Variants in FER1L5 observed in about 807,000 individuals in gnomAD.
The protein encoded by FER1L5 is fer-1-like protein 5.
FER1L5 carries 187 observed loss-of-function variants against 279.9 expected under a neutral mutation model. The observed-to-expected ratio is 0.67, with a 90% CI of 0.59 to 0.75. The LOEUF (loss-of-function observed/expected upper bound fraction) is 0.75. Among genes scored for constraint, FER1L5 ranks in the 30% least tolerant of loss-of-function variants. FER1L5 has a pLI of 0.00. For missense variants in FER1L5, 2,091 were observed against 2,594.4 expected (o/e 0.81, Z 4.21); for synonymous variants, 921 against 989.7 (o/e 0.93, Z 1.30).
In FER1L5 at chr2:96,689,932, G is replaced by A. The variant is rs2077078037; in HGVS notation, c.2640+174G>A. On this transcript the variant is annotated intron_variant, in intron 26 of 52. Coordinates refer to ENST00000624922, the MANE Select transcript of FER1L5 (RefSeq NM_001293083.2). The surrounding 1 kb of genome is among the most constrained non-coding windows in gnomAD (Gnocchi z 4.6). ...CACTCTCTCTCAGCACTGATGGGGTGAGGGGTTTGTAGAAATACCTTAAAT... is the reference window on the plus strand; with the variant it reads ...CACTCTCTCTCAGCACTGATGGGGTAAGGGGTTTGTAGAAATACCTTAAAT... Among the ~76,000 whole-genome samples the A allele has an allele frequency of 6.6e-6, 1 of 152,184 alleles. No individual in the cohort carries two copies. The highest frequency in any genetic ancestry group is 2.1e-4 in the South Asian group (1 of 4,830).
chr2:96,650,658 AGTGTCT>A (rs1434396970), intron 6 of FER1L5, among the ~76,000 whole-genome samples: 1 of 152,138 alleles, frequency 6.6e-6, no homozygotes, highest in African/African-American at 2.4e-5. Context: ...GAGGCTGGGG[AGTGTCT>A]GATCTGAGGG....
rs190910651 is a variant in FER1L5, at chr2:96,660,508, G to A, written c.778+137G>A. 358 of 774,484 alleles carry A rather than the reference G, an allele frequency of 4.6e-4. 3 individuals carry two copies. Among genetic ancestry groups the A allele is most frequent in the Non-Finnish European group, 3.0e-5 (14 of 471,188 alleles). The allele number at this position is 774,484 out of a possible 1,614,324, so 48.0% of individuals were successfully genotyped here. A position where few individuals can be genotyped will look rare whatever the true frequency, so the allele number is the denominator to read the frequency against. ...GATTGTAAATTATTTTCTGTATTTG[G>A]TAATATTTCACTGTACATTGTGGTA... On this transcript the variant is annotated intron_variant, in intron 10 of 52. Transcript: ENST00000624922.
rs769543192 is a variant in FER1L5 at position 96,703,597 on chromosome 2, G to A, written c.5766G>A (p.Ser1922=). Residue 1922 remains serine, a synonymous_variant, in exon 51 of 53, where the codon TCG becomes TCA. Coordinates refer to ENST00000624922, the MANE Select transcript of FER1L5 (RefSeq NM_001293083.2). ...ALIKPAGRGQ[S]EPNQYPTLHP... is the part of the protein sequence containing the mutation. Reference sequence around the variant, plus strand: ...TCAAGCCAGCCGGGCGAGGCCAGTCGGAACCCAACCAGTACCCCACACTTC... The same window carrying A: ...TCAAGCCAGCCGGGCGAGGCCAGTCAGAACCCAACCAGTACCCCACACTTC... 46 of 1,613,784 alleles carry A rather than the reference G, an allele frequency of 2.9e-5. No individual in the cohort carries two copies. Among genetic ancestry groups the A allele is most frequent in the African/African-American group, 8.0e-5 (6 of 74,860 alleles).
At chr2:96,675,062 G>T (rs1314352505) in intron 19 of FER1L5, among the ~76,000 whole-genome samples, 3 of 152,148 alleles carry the variant, frequency 2.0e-5, no homozygotes, top group Non-Finnish European at 2.9e-5. Flanking sequence ...CTTTCGGTCT[G>T]TATTCATCTG....
chr2:96,661,264 G>A, intron 10 of FER1L5, 61 bp from the exon 11 acceptor site: 1 of 1,245,014 alleles, frequency 8.0e-7, no homozygotes, highest in Non-Finnish European at 1.1e-6. Flanking sequence ...ACAAAGGCTG[G>A]TTTCAGGGGA....
At chr2:96,697,343 C>A (rs1286697164) in intron 37 of FER1L5, among the ~76,000 whole-genome samples, 183 bp from the exon 38 acceptor site, 2 of 152,208 alleles carry the variant, frequency 1.3e-5, no homozygotes, top group African/African-American at 4.8e-5. Flanking sequence ...GGACATTGAA[C>A]TATCTGTCCC....
chr2:96,644,192 A>G (rs2075015938), intron 1 of FER1L5, among the ~76,000 whole-genome samples: 1 of 133,510 alleles, frequency 7.5e-6, no homozygotes, highest in East Asian at 2.1e-4. Context: ...AAAAAAAAAG[A>G]AAGAGGCTGG....
intron 30 of FER1L5, 59 bp from the exon 31 acceptor site, chr2:96,692,045 G>C: frequency 2.6e-6 from 4 of 1,548,220 alleles, no homozygotes; most frequent in Non-Finnish European, 3.5e-6. Context: ...GGTGGGGGCA[G>C]TCAGAGGGAG....
chr2:96,696,028 C>T (rs996431417), intron 36 of FER1L5, 24 bp from the exon 37 acceptor site: 6 of 1,613,710 alleles, frequency 3.7e-6, no homozygotes, highest in East Asian at 4.5e-5. Flanking sequence ...TCCTGAGACT[C>T]GTCCCTGCGC....
Position 96,689,900 on chromosome 2 carries a change from C to G in FER1L5, c.2640+142C>G. On this transcript the variant is annotated intron_variant, in intron 26 of 52. Coordinates refer to ENST00000624922, the MANE Select transcript of FER1L5 (RefSeq NM_001293083.2). This position sits in a 1 kb window ranked among gnomAD's most constrained non-coding sequence, Gnocchi z 4.6. ...TGGGGCCCCGGGTGAGCGCACCAGCCCTCAGGCACTCTCTCTCAGCACTGA... is the reference window on the plus strand; with the variant it reads ...TGGGGCCCCGGGTGAGCGCACCAGCGCTCAGGCACTCTCTCTCAGCACTGA... 3 of 626,650 alleles carry G rather than the reference C, an allele frequency of 4.8e-6. No homozygotes were observed. Among genetic ancestry groups the G allele is most frequent in the East Asian group, 5.6e-5 (2 of 35,956 alleles). The allele number at this position is 626,650 out of a possible 1,614,324, so 38.8% of individuals were successfully genotyped here.
chr2:96,694,433 T>G lies in FER1L5; in HGVS notation c.3710T>G (p.Ile1237Ser), dbSNP rs1573951011. 3 of 1,548,456 alleles carry G rather than the reference T, an allele frequency of 1.9e-6. No homozygotes were observed. Among genetic ancestry groups the G allele is most frequent in the Non-Finnish European group, 2.6e-6 (3 of 1,145,150 alleles). The change falls in exon 34 of 53, where the codon ATC becomes AGC. Residue 1237 changes from isoleucine (I) to serine (S), a missense_variant. Transcript: ENST00000624922. This position sits in a 1 kb window ranked among gnomAD's most constrained non-coding sequence, Gnocchi z 4.6. ...KNGAYTLPKS[I>S]QPTIKRMAIE... ...GGGGCATACACACTCCCCAAGAGCA[T>G]CCAGCCCACGATAAAGAGGATGGCC...
chr2:96,704,264 T>A lies in FER1L5; in HGVS notation c.5851T>A (p.Cys1951Ser). 1 of 1,614,058 alleles carries A rather than the reference T, an allele frequency of 6.2e-7. No homozygotes were observed. Among genetic ancestry groups the A allele is most frequent in the Non-Finnish European group, 8.5e-7 (1 of 1,179,908 alleles). The stretch of plus-strand genomic sequence containing the variant: ...GCTGCGGTCACCAGTTCAAAACTTC[T>A]GCTATATTTTCTGGAAACGCTATCG... Reference protein sequence around the residue: ...TWLRSPVQNFCYIFWKRYRFK... With the variant: ...TWLRSPVQNFSYIFWKRYRFK... Residue 1951 changes from cysteine to serine, a missense_variant, in exon 52 of 53, where the codon TGC (cysteine) becomes AGC (serine). Coordinates refer to ENST00000624922, the MANE Select transcript of FER1L5 (RefSeq NM_001293083.2).
At position 96,670,103 on chromosome 2, in the gene FER1L5, C is replaced by G. The variant is rs1558872737; in HGVS notation, c.1363-16C>G. ...TCTCTCACCCCTTTTCTCCGTTTTC[C>G]TCTCGCTTGCCCTAGTGTATTCCCG... On this transcript the variant is annotated splice_polypyrimidine_tract_variant and intron_variant, in intron 17 of 52. Coordinates refer to ENST00000624922, the MANE Select transcript of FER1L5 (RefSeq NM_001293083.2). 3 of 1,551,324 alleles carry G rather than the reference C, an allele frequency of 1.9e-6. No homozygotes were observed. Among genetic ancestry groups the G allele is most frequent in the Non-Finnish European group, 2.6e-6 (3 of 1,146,882 alleles).
intron 19 of FER1L5, among the ~76,000 whole-genome samples, chr2:96,682,288 C>T (rs1354621724): frequency 2.6e-5 from 4 of 152,152 alleles, no homozygotes; most frequent in South Asian, 2.1e-4. Flanking sequence ...GACAGAGTTT[C>T]GCCATGTTGG....
rs2077456390 is a variant in FER1L5 at position 96,698,239 on chromosome 2, T to C, written c.4356+83T>C. The C allele has an allele frequency of 2.0e-6, 3 of 1,480,822 alleles. No homozygotes were observed. The highest frequency in any genetic ancestry group is 2.7e-6 in the Non-Finnish European group (3 of 1,108,242). The allele number at this position is 1,480,822 out of a possible 1,614,324, so 91.7% of individuals were successfully genotyped here. ...AAAACGAATAAAAGCCCTGGCTCTA[T>C]ATGCTCATTGTGAAGATGGAGCAGG... On this transcript the variant is annotated intron_variant, in intron 40 of 52. Coordinates refer to ENST00000624922, the MANE Select transcript of FER1L5 (RefSeq NM_001293083.2). The surrounding 1 kb of genome is among the most constrained non-coding windows in gnomAD (Gnocchi z 5.5).
intron 4 of FER1L5, among the ~76,000 whole-genome samples, chr2:96,648,181 C>T (rs531280302): frequency 1.3e-5 from 2 of 152,186 alleles, no homozygotes; most frequent in African/African-American, 2.4e-5. Context: ...CTCCAGCACC[C>T]GTGAGACAAG....
intron 9 of FER1L5, among the ~76,000 whole-genome samples, chr2:96,659,311 T>TCTCTCTCTCTC (rs1558852754): frequency 3.5e-4 from 18 of 51,036 alleles, no homozygotes; most frequent in South Asian, 2.1e-3. Context: ...CCTTCCTTCC[T>TCTCTCTCTCTC]TCCTTCCTTC....
intron 17 of FER1L5, 118 bp from the exon 18 acceptor site, chr2:96,670,001 G>A: frequency 7.3e-7 from 1 of 1,363,794 alleles, no homozygotes; most frequent in Non-Finnish European, 1.0e-6. Flanking sequence ...TGTGGTTGCA[G>A]TAAGCCCCGG....
rs926148548 is a variant in FER1L5, at chr2:96,653,712, C to T, written c.696+10C>T. 5.8e-6 allele frequency: 9 copies of T among 1,548,738 alleles called. No individual in the cohort carries two copies. In the African/African-American group the frequency reaches 9.6e-5, roughly 17 times the overall value. On this transcript the variant is annotated intron_variant, in intron 8 of 52. Coordinates refer to ENST00000624922, the MANE Select transcript of FER1L5 (RefSeq NM_001293083.2). ...GACCATCTTAATCCAGGTGAGGAGC[C>T]AAACTGGTCCCCAGCAAGGTGGGTT...
Sources: allele counts gnomAD v4.1 joint callset (sites outside exome capture counted in the v4.1 genomes callset), GRCh38; gene constraint gnomAD v4.1.1; non-coding constraint Gnocchi (gnomAD v3.1); transcripts MANE v1.5; gene names NCBI Gene and HGNC (gene_info 2026-07-23, HGNC 2026-07-21).